Variants in PALD1 observed in about 807,000 individuals in gnomAD.
PALD1 encodes the protein paladin.
Under a neutral mutation model 96.0 loss-of-function variants are expected in PALD1, and 57 were observed. That is an observed-to-expected ratio of 0.59 (90% confidence interval 0.48 to 0.74). PALD1 has a LOEUF of 0.74. Among genes scored for constraint, PALD1 ranks in the 30% least tolerant of loss-of-function variants. The probability of loss-of-function intolerance (pLI) is 0.00; values close to 1 mark genes in which losing one functional copy is unlikely to be tolerated. For synonymous variants in PALD1, 464 were observed against 473.6 expected (o/e 0.98, Z 0.26); for missense variants, 1,063 against 1,143.7 (o/e 0.93, Z 1.02).
chr10:70,515,049 C>G (rs1221483264), intron 1 of PALD1, among the ~76,000 whole-genome samples: 1 of 152,200 alleles, frequency 6.6e-6, no homozygotes, highest in Non-Finnish European at 1.5e-5. Flanking sequence ...TAGATGGCCC[C>G]CAGTCTTTGG....
rs1468933530 is a variant in PALD1 at position 70,529,929 on chromosome 10, A to C, written c.329A>C (p.Asp110Ala). ...GTGCGGGATGTCACTGAGAAGATGGATGTGCTGGGCACCGTGGGAAGCTGT... is the reference window on the plus strand; with the variant it reads ...GTGCGGGATGTCACTGAGAAGATGGCTGTGCTGGGCACCGTGGGAAGCTGT... ...FLVRDVTEKM[D>A]VLGTVGSCGA... The change falls in exon 4 of 20, where the codon GAT (aspartate) becomes GCT (alanine). Residue 110 changes from aspartate to alanine, a missense_variant. By Grantham distance (126) the Asp-to-Ala change is moderately radical. Coordinates refer to ENST00000263563, the MANE Select transcript of PALD1 (RefSeq NM_014431.3). 1 of 1,613,874 alleles carries C rather than the reference A, an allele frequency of 6.2e-7. No individual in the cohort carries two copies. The highest frequency in any genetic ancestry group is 1.3e-5 in the African/African-American group (1 of 74,992).
the PALD1 span, among the ~76,000 whole-genome samples, chr10:70,470,270 T>C: frequency 2.6e-5 from 4 of 152,240 alleles, no homozygotes; most frequent in African/African-American, 9.6e-5. Flanking sequence ...AATGGGTGTA[T>C]AGAATCAATT....
intron 1 of PALD1, among the ~76,000 whole-genome samples, chr10:70,525,051 GA>G (rs1208944913): frequency 6.6e-6 from 1 of 152,118 alleles, no homozygotes; most frequent in Non-Finnish European, 1.5e-5. Context: ...ACCTAGGCTG[GA>G]GTGGAGTGGC....
chr10:70,478,013 G>C (rs1845855240), upstream of PALD1, among the ~76,000 whole-genome samples: 1 of 151,674 alleles, frequency 6.6e-6, no homozygotes, highest in Admixed American at 6.6e-5. Flanking sequence ...CTGCCGCCTA[G>C]TGCTAGTCCG....
At chr10:70,471,529 A>G in the PALD1 span, among the ~76,000 whole-genome samples, 459 of 152,304 alleles carry the variant, frequency 3.0e-3, no homozygotes, top group African/African-American at 1.0e-2. Flanking sequence ...CAGCTCACAT[A>G]CATCTGCCTT....
chr10:70,468,682 C>T, the PALD1 span, among the ~76,000 whole-genome samples: 4 of 151,572 alleles, frequency 2.6e-5, no homozygotes, highest in Middle Eastern at 3.4e-3. Flanking sequence ...AGCAGCCTCA[C>T]CCTAGCCCAT....
At chr10:70,488,873 T>TC (rs1846054064) in intron 1 of PALD1, among the ~76,000 whole-genome samples, 2 of 148,714 alleles carry the variant, frequency 1.3e-5, no homozygotes, top group African/African-American at 2.5e-5. Flanking sequence ...GTGGATGTAT[T>TC]CTGCTGCTGG....
chr10:70,476,507 G>A (rs1250629902), upstream of PALD1, among the ~76,000 whole-genome samples: 1 of 152,188 alleles, frequency 6.6e-6, no homozygotes, highest in African/African-American at 2.4e-5. Flanking sequence ...AGGCCCTCTG[G>A]GGGGCTGGTG....
At chr10:70,463,228 A>T in the PALD1 span, among the ~76,000 whole-genome samples, 8 of 151,986 alleles carry the variant, frequency 5.3e-5, no homozygotes, top group East Asian at 3.9e-4. Context: ...CACGGTGAAA[A>T]CCCATCTCTA....
upstream of PALD1, among the ~76,000 whole-genome samples, chr10:70,474,768 A>G (rs930848634): frequency 6.6e-6 from 1 of 152,234 alleles, no homozygotes; most frequent in Non-Finnish European, 1.5e-5. Context: ...GATATAATCA[A>G]TAAAATGAAT....
intron 1 of PALD1, among the ~76,000 whole-genome samples, chr10:70,519,386 C>T (rs529263615): frequency 6.6e-6 from 1 of 152,204 alleles, no homozygotes; most frequent in South Asian, 2.1e-4. Flanking sequence ...TACAGGCCCA[C>T]TTTTTCATTG....
Position 70,538,902 on chromosome 10 carries a change from A to C in PALD1, c.1463A>C (p.Asp488Ala). 3 of 1,613,196 alleles carry C rather than the reference A, an allele frequency of 1.9e-6. No homozygotes were observed. The highest frequency in any genetic ancestry group is 2.5e-6 in the Non-Finnish European group (3 of 1,179,682). ...LIARGSLRED[D>A]LVSPDALSTV... ...GTGCTCTCCCCACAGCGGGAGGACG[A>C]TCTGGTCTCCCCGGACGCGCTCAGC... The change falls in exon 13 of 20, where the codon GAT becomes GCT. Residue 488 changes from aspartate (D) to alanine (A), a missense_variant. Coordinates refer to ENST00000263563, the MANE Select transcript of PALD1 (RefSeq NM_014431.3).
At chr10:70,459,477 C>A in the PALD1 span, among the ~76,000 whole-genome samples, 1 of 148,760 alleles carries the variant, frequency 6.7e-6, no homozygotes, top group African/African-American at 2.4e-5. Context: ...GGTCTGTCTG[C>A]TGTCCTCTGT....
At chr10:70,532,153 TAA>T (rs1192925317) in intron 5 of PALD1, among the ~76,000 whole-genome samples, 1 of 152,058 alleles carries the variant, frequency 6.6e-6, no homozygotes, top group African/African-American at 2.4e-5. Flanking sequence ...TCCTCCTCCA[TAA>T]CACAGAGGCT....
At chr10:70,549,836 C>T (rs541974992) in intron 18 of PALD1, among the ~76,000 whole-genome samples, 136 of 152,278 alleles carry the variant, frequency 8.9e-4, no homozygotes, top group Non-Finnish European at 1.6e-3. Context: ...GGTGGTCACT[C>T]TGGCTGCCTT....
intron 1 of PALD1, among the ~76,000 whole-genome samples, chr10:70,494,579 C>T (rs746732134): frequency 2.6e-5 from 4 of 152,224 alleles, no homozygotes; most frequent in African/African-American, 7.2e-5. Context: ...TGGGTTTGAG[C>T]GTTCAGAACT....
intron 1 of PALD1, among the ~76,000 whole-genome samples, chr10:70,508,751 T>G (rs1283740264): frequency 7.2e-6 from 1 of 139,496 alleles, no homozygotes; most frequent in Non-Finnish European, 1.6e-5. Flanking sequence ...AAGATACACG[T>G]GGGTGCCCAG....
intron 1 of PALD1, among the ~76,000 whole-genome samples, chr10:70,495,878 G>C (rs1846186041): frequency 6.6e-6 from 1 of 151,660 alleles, no homozygotes; most frequent in South Asian, 2.1e-4. Context: ...CTGCGGTAGT[G>C]TGTGCCTGTA....
At chr10:70,513,202 T>A (rs75378235) in intron 1 of PALD1, among the ~76,000 whole-genome samples, 4,682 of 152,230 alleles carry the variant, frequency 0.031, 246 homozygotes, top group African/African-American at 0.1. Context: ...TACAGACAAA[T>A]TGAAAGAGTT....
Sources: gnomAD v4.1 joint callset for allele counts (sites outside exome capture counted in the v4.1 genomes callset) on GRCh38, gnomAD v4.1.1 for gene constraint, MANE v1.5 for transcripts, NCBI Gene and HGNC (gene_info 2026-07-23, HGNC 2026-07-21) for gene names.